The following FAM184B variants were observed in gnomAD, a reference collection of about 807,000 sequenced individuals.
FAM184B encodes protein FAM184B.
In FAM184B, 111 loss-of-function variants were observed where a neutral mutation model predicts 135.9. The ratio of observed to expected loss-of-function variants is 0.82; its 90% CI spans 0.70 to 0.96. The LOEUF (loss-of-function observed/expected upper bound fraction) is 0.96. FAM184B is among the 40% of genes least tolerant of loss of function. The pLI, the probability that FAM184B is intolerant of heterozygous loss-of-function variation, is 0.00. For missense variants in FAM184B, 1,375 were observed against 1,323.9 expected, an observed-to-expected ratio of 1.04 and a Z score of -0.60; for synonymous variants, 552 against 524.8, an observed-to-expected ratio of 1.05 and a Z score of -0.71.
Position 17,647,765 on chromosome 4 carries a change from G to C in FAM184B, c.2218C>G (p.Gln740Glu). 1 of 1,550,630 alleles carries C rather than the reference G, an allele frequency of 6.4e-7. No individual in the cohort carries two copies. Among genetic ancestry groups the C allele is most frequent in the South Asian group, 1.2e-5 (1 of 84,036 alleles). The stretch of plus-strand genomic sequence containing the variant: ...TGGTGCCCAGAACAGGCAGCTTGCT[G>C]CTCCGACAGCTCCTGTCTGAGCGAC... ...LESLRQELSEQQAACSGHQKD... is the reference protein window; with the variant it reads ...LESLRQELSEEQAACSGHQKD... The change falls in exon 12 of 18, where the codon CAG becomes GAG. Residue 740 changes from glutamine (Q) to glutamate (E), a missense_variant. Gln to Glu is a conservative substitution (Grantham distance 29). Coordinates refer to ENST00000265018, the MANE Select transcript of FAM184B (RefSeq NM_015688.2).
At chr4:17,769,185 T>C (rs765480026) in intron 1 of FAM184B, among the ~76,000 whole-genome samples, 61 of 152,256 alleles carry the variant, frequency 4.0e-4, no homozygotes, top group Non-Finnish European at 7.5e-4. Flanking sequence ...AAAATTATGT[T>C]GAAGAGTTCA....
At chr4:17,766,066 C>T (rs1293073817) in intron 1 of FAM184B, among the ~76,000 whole-genome samples, 1 of 152,138 alleles carries the variant, frequency 6.6e-6, no homozygotes, top group Non-Finnish European at 1.5e-5. Context: ...GAAGTGCAGG[C>T]CCAAAGAGTA....
chr4:17,689,794 C>T (rs1204478386), intron 6 of FAM184B, among the ~76,000 whole-genome samples: 5 of 152,060 alleles, frequency 3.3e-5, no homozygotes, highest in African/African-American at 9.7e-5. Context: ...GGAACCTCTA[C>T]AGTATTAACT....
At chr4:17,663,983 C>T (rs1715985031) in intron 8 of FAM184B, among the ~76,000 whole-genome samples, 1 of 152,104 alleles carries the variant, frequency 6.6e-6, no homozygotes. Context: ...TTCCTGAGAC[C>T]TCCCCAGCCA....
At chr4:17,758,001 T>G (rs1290108820) in intron 1 of FAM184B, among the ~76,000 whole-genome samples, 2 of 152,170 alleles carry the variant, frequency 1.3e-5, no homozygotes, top group African/African-American at 4.8e-5. Flanking sequence ...CTTGAAATCT[T>G]GACTTGGATG....
At chr4:17,659,780 C>G (rs1361068800) in intron 9 of FAM184B, among the ~76,000 whole-genome samples, 178 bp downstream of exon 9, 5 of 152,336 alleles carry the variant, frequency 3.3e-5, no homozygotes, top group African/African-American at 1.2e-4. Context: ...GCCACCGTGC[C>G]TGGCTGCAAC....
chr4:17,778,052 C>T (rs980067671), intron 1 of FAM184B, among the ~76,000 whole-genome samples: 1 of 150,398 alleles, frequency 6.6e-6, no homozygotes, highest in Non-Finnish European at 1.5e-5. Context: ...ACCTGGGTGA[C>T]GTAGTGAGAC....
chr4:17,745,210 C>T (rs1400039136), intron 1 of FAM184B, among the ~76,000 whole-genome samples: 2 of 152,174 alleles, frequency 1.3e-5, no homozygotes, highest in African/African-American at 4.8e-5. Flanking sequence ...GAATTCTGGA[C>T]TAGATTTTAG....
chr4:17,649,583 CAAAAA>C (rs10564359), intron 11 of FAM184B, among the ~76,000 whole-genome samples: 1 of 136,084 alleles, frequency 7.3e-6, no homozygotes. Flanking sequence ...GACTCCATCT[CAAAAA>C]AAAAAAAAAA....
At chr4:17,777,563 T>G (rs1718951690) in intron 1 of FAM184B, among the ~76,000 whole-genome samples, 1 of 152,180 alleles carries the variant, frequency 6.6e-6, no homozygotes, top group Admixed American at 6.5e-5. Context: ...AAAAATATAA[T>G]TATTGAAATT....
chr4:17,707,823 C>G (rs747512481), intron 2 of FAM184B, 39 bp from the exon 3 acceptor site: 6 of 1,550,810 alleles, frequency 3.9e-6, no homozygotes, highest in Non-Finnish European at 5.2e-6. Context: ...CTGGTTATAG[C>G]TCTGTATAGA....
chr4:17,702,515 G>C (rs1292527675), intron 5 of FAM184B, among the ~76,000 whole-genome samples: 1 of 152,086 alleles, frequency 6.6e-6, no homozygotes, highest in Non-Finnish European at 1.5e-5. Context: ...CTGCAGACAA[G>C]GGCTCAAAGA....
chr4:17,762,989 C>T (rs1422471790), intron 1 of FAM184B, among the ~76,000 whole-genome samples: 5 of 152,196 alleles, frequency 3.3e-5, no homozygotes, highest in African/African-American at 1.2e-4. Flanking sequence ...CTGAACAGCT[C>T]TGCTACTACA....
At chr4:17,639,569 C>T (rs1212798801) in intron 13 of FAM184B, among the ~76,000 whole-genome samples, 173 bp from the exon 14 acceptor site, 2 of 152,108 alleles carry the variant, frequency 1.3e-5, no homozygotes, top group African/African-American at 4.8e-5. Context: ...TTGTGGAGTC[C>T]AGGACAAACC....
At chr4:17,742,580 A>G (rs1025977839) in intron 1 of FAM184B, among the ~76,000 whole-genome samples, 1 of 152,056 alleles carries the variant, frequency 6.6e-6, no homozygotes, top group African/African-American at 2.4e-5. Context: ...ATTTCAGCTG[A>G]TAGAGCAACA....
At chr4:17,652,166 C>A in intron 11 of FAM184B, among the ~76,000 whole-genome samples, 1 of 127,392 alleles carries the variant, frequency 7.8e-6, no homozygotes, top group South Asian at 2.4e-4. Flanking sequence ...GCACTGTCGC[C>A]CAGGCTGGAG....
intron 1 of FAM184B, among the ~76,000 whole-genome samples, chr4:17,743,820 C>T (rs1417892159): frequency 1.3e-5 from 2 of 152,204 alleles, no homozygotes; most frequent in Non-Finnish European, 2.9e-5. Context: ...TAAACAACCA[C>T]TAACTTGACC....
chr4:17,739,987 A>T (rs1214215874), intron 1 of FAM184B, among the ~76,000 whole-genome samples: 2 of 152,168 alleles, frequency 1.3e-5, no homozygotes, highest in African/African-American at 4.8e-5. Context: ...AGTAATAAAA[A>T]GTCCCTCCTT....
intron 6 of FAM184B, among the ~76,000 whole-genome samples, chr4:17,692,523 A>G (rs536042688): frequency 6.6e-6 from 1 of 152,360 alleles, no homozygotes; most frequent in Admixed American, 6.5e-5. Flanking sequence ...TCTCCCTTCT[A>G]GAGATAACCA....
Sources: gnomAD v4.1 joint callset for allele counts (sites outside exome capture counted in the v4.1 genomes callset) on GRCh38, gnomAD v4.1.1 for gene constraint, MANE v1.5 for transcripts, NCBI Gene and HGNC (gene_info 2026-07-23, HGNC 2026-07-21) for gene names.